Variants in STK3 observed in about 807,000 individuals in gnomAD.
STK3 encodes the protein serine/threonine-protein kinase 3.
STK3 carries 41 observed loss-of-function variants against 58.0 expected under a neutral mutation model. That is an observed-to-expected ratio of 0.71 (90% CI 0.55 to 0.92). STK3 has a LOEUF of 0.92. Among genes scored for constraint, STK3 ranks in the 40% least tolerant of loss-of-function variants. STK3 has a pLI of 0.00. For synonymous variants in STK3, 170 were observed against 191.0 expected, an observed-to-expected ratio of 0.89 and a Z score of 0.91; for missense variants, 479 against 602.7, an observed-to-expected ratio of 0.79 and a Z score of 2.15.
In STK3 at chr8:98,584,593, T is replaced by C. The variant is rs1310935035; in HGVS notation, c.823-4804A>G. On this transcript the variant is annotated intron_variant, in intron 7 of 10. Coordinates refer to ENST00000419617, the MANE Select transcript of STK3 (RefSeq NM_006281.4). ...TGTGTCTTTATAGCAGCATGATTTA[T>C]AGTCCTTTGGGTATATACCCAGTAA... is the stretch of plus-strand genomic sequence containing the variant. Among the ~76,000 whole-genome samples, 33 of 149,650 alleles carry C rather than the reference T, an allele frequency of 2.2e-4. No individual in the cohort carries two copies. The Middle Eastern group carries it at 0.032, about 147-fold the overall frequency.
chr8:98,851,490 G>A (rs1836467858), intron 3 of STK3, among the ~76,000 whole-genome samples: 1 of 152,162 alleles, frequency 6.6e-6, no homozygotes, highest in African/African-American at 2.4e-5. Flanking sequence ...CCTGAAGTGT[G>A]TTCCTTAATG....
intron 1 of STK3, among the ~76,000 whole-genome samples, chr8:98,440,958 A>G (rs933933637): frequency 2.7e-4 from 41 of 152,148 alleles, no homozygotes; most frequent in African/African-American, 9.2e-4. Flanking sequence ...TGCCTTTTTC[A>G]GGAGTCCTTA....
intron 6 of STK3, among the ~76,000 whole-genome samples, chr8:98,640,929 CTATATT>C (rs1271377946): frequency 6.6e-6 from 1 of 150,738 alleles, no homozygotes; most frequent in Non-Finnish European, 1.5e-5. Context: ...GTTTATACTA[CTATATT>C]TATATGTTAT....
intron 1 of STK3, among the ~76,000 whole-genome samples, chr8:98,927,789 A>G (rs941634270): frequency 6.6e-6 from 1 of 152,224 alleles, no homozygotes; most frequent in Non-Finnish European, 1.5e-5. Context: ...AGCTGGAACT[A>G]TAAGTGTCCA....
At chr8:98,735,881 G>C (rs1421738373) in intron 4 of STK3, among the ~76,000 whole-genome samples, 2 of 152,104 alleles carry the variant, frequency 1.3e-5, no homozygotes, top group African/African-American at 2.4e-5. Flanking sequence ...GAAAAGTATA[G>C]ATCAGATTTT....
At chr8:98,706,195 T>C (rs952895095) in intron 6 of STK3, among the ~76,000 whole-genome samples, 1 of 152,170 alleles carries the variant, frequency 6.6e-6, no homozygotes, top group African/African-American at 2.4e-5. Flanking sequence ...CCCTTTCTTC[T>C]ATTGAAAAGC....
intron 1 of STK3, among the ~76,000 whole-genome samples, chr8:98,940,536 GC>G (rs1417218986): frequency 2.0e-5 from 3 of 152,170 alleles, no homozygotes; most frequent in African/African-American, 7.2e-5. Flanking sequence ...GGCTGGCCCG[GC>G]CCGATTCCGG....
chr8:98,479,400 T>G (rs935089350), intron 10 of STK3, among the ~76,000 whole-genome samples: 1 of 146,884 alleles, frequency 6.8e-6, no homozygotes, highest in African/African-American at 2.5e-5. Flanking sequence ...GGCAGCAGAA[T>G]TGCTTGAGTC....
chr8:98,747,515 C>G (rs1441032949), intron 4 of STK3, among the ~76,000 whole-genome samples: 1 of 152,110 alleles, frequency 6.6e-6, no homozygotes, highest in Non-Finnish European at 1.5e-5. Flanking sequence ...TTCAGACAAT[C>G]AAGAGTTAAC....
intron 7 of STK3, among the ~76,000 whole-genome samples, chr8:98,588,798 C>T (rs199622728): frequency 1.6e-3 from 244 of 151,912 alleles, no homozygotes; most frequent in African/African-American, 5.4e-3. Context: ...TGCTCATTTC[C>T]TTTTATTCTT....
At chr8:98,585,381 G>A (rs1465803399) in intron 7 of STK3, among the ~76,000 whole-genome samples, 1 of 151,924 alleles carries the variant, frequency 6.6e-6, no homozygotes, top group Non-Finnish European at 1.5e-5. Context: ...GTTTTTCTCA[G>A]GTTTGTCAAA....
chr8:98,447,024 G>A (rs868260879), intron 1 of STK3, among the ~76,000 whole-genome samples: 1 of 152,090 alleles, frequency 6.6e-6, no homozygotes, highest in Non-Finnish European at 1.5e-5. Flanking sequence ...GCTTATAAGG[G>A]GGAGCTGAAT....
chr8:98,380,337 A>G (rs1477573420), intron 1 of STK3, among the ~76,000 whole-genome samples: 1 of 152,230 alleles, frequency 6.6e-6, no homozygotes, highest in Non-Finnish European at 1.5e-5. Context: ...CAAAAAATAG[A>G]AAATACAGCT....
At chr8:98,617,391 C>G (rs1383982251) in intron 6 of STK3, among the ~76,000 whole-genome samples, 2 of 137,376 alleles carry the variant, frequency 1.5e-5, no homozygotes, top group Non-Finnish European at 3.1e-5. Context: ...CCTAACATCA[C>G]AATTAAAAGA....
chr8:98,614,617 C>T (rs549190637), intron 6 of STK3, among the ~76,000 whole-genome samples: 1 of 152,156 alleles, frequency 6.6e-6, no homozygotes, highest in African/African-American at 2.4e-5. Flanking sequence ...GTGCGCGAGC[C>T]GAAGCAGGGC....
At chr8:98,724,097 G>C (rs1827631238) in intron 4 of STK3, among the ~76,000 whole-genome samples, 1 of 152,092 alleles carries the variant, frequency 6.6e-6, no homozygotes, top group South Asian at 2.1e-4. Context: ...AGAATTTTGT[G>C]GGAAGGGAAT....
In STK3 at chr8:98,523,150, A is replaced by G. The variant is rs538358975; in HGVS notation, c.1317+3592T>C. On this transcript the variant is annotated intron_variant, in intron 10 of 10. Coordinates refer to ENST00000419617, the MANE Select transcript of STK3 (RefSeq NM_006281.4). The stretch of plus-strand genomic sequence containing the variant: ...CCCATAGTGACTACAACATACTTCC[A>G]CCAGCAGGTGCACAAGGAAAGGTTC... Among the ~76,000 whole-genome samples the G allele has an allele frequency of 6.4e-4, 97 of 152,268 alleles. 1 individual carries two copies. The South Asian group carries it at 8.5e-3, about 13-fold the overall frequency.
downstream of STK3, chr8:98,880,776 G>A (rs1047879748): frequency 6.6e-6 from 1 of 152,114 alleles, no homozygotes; most frequent in African/African-American, 2.4e-5. Flanking sequence ...CAAAAAATTA[G>A]AAACTACTAC....
chr8:98,761,670 A>G (rs1830626198), intron 3 of STK3, among the ~76,000 whole-genome samples: 1 of 152,192 alleles, frequency 6.6e-6, no homozygotes, highest in Admixed American at 6.5e-5. Context: ...ATTAAAACTG[A>G]GCTGTTTCCA....
Sources: allele counts gnomAD v4.1 joint callset (sites outside exome capture counted in the v4.1 genomes callset), GRCh38; gene constraint gnomAD v4.1.1; transcripts MANE v1.5; gene names NCBI Gene and HGNC (gene_info 2026-07-23, HGNC 2026-07-21).